Variants in FBN3 observed in about 807,000 individuals in gnomAD.
The protein encoded by FBN3 is fibrillin 3.
In FBN3, 234 loss-of-function variants were observed where a neutral mutation model predicts 330.1. That is an observed-to-expected ratio of 0.71 (90% CI 0.64 to 0.79). FBN3 has a LOEUF of 0.79. FBN3 is among the 30% of genes least tolerant of loss of function. The pLI, the probability that FBN3 is intolerant of heterozygous loss-of-function variation, is 0.00. For synonymous variants in FBN3, 1,458 were observed against 1,517.3 expected, an observed-to-expected ratio of 0.96 and a Z score of 0.91; for missense variants, 3,606 against 3,886.9, an observed-to-expected ratio of 0.93 and a Z score of 1.92.
At chr19:8,145,697 AAAAG>A (rs1450521966) in intron 5 of FBN3, 142 bp downstream of exon 5, 4 of 583,964 alleles carry the variant, frequency 6.8e-6, no homozygotes, top group East Asian at 3.0e-5. Flanking sequence ...AAAAAAAAAA[AAAAG>A]AGACTGTGGC....
chr19:8,126,939 AC>A, intron 18 of FBN3, 107 bp from the exon 19 acceptor site: 1 of 1,306,570 alleles, frequency 7.7e-7, no homozygotes, highest in South Asian at 1.6e-5. Flanking sequence ...CACGGGGTGC[AC>A]CCAGATGCAC....
intron 10 of FBN3, among the ~76,000 whole-genome samples, chr19:8,136,832 A>C (rs908884847): frequency 6.8e-5 from 10 of 147,936 alleles, no homozygotes; most frequent in Admixed American, 4.0e-4. Context: ...GATACCTCCA[A>C]CCTGGGGCCT....
chr19:8,072,020 C>A, intron 63 of FBN3, 28 bp downstream of exon 63: 1 of 1,600,554 alleles, frequency 6.2e-7, no homozygotes, highest in Non-Finnish European at 8.5e-7. Flanking sequence ...TCCCTGGCCA[C>A]CCCTGCCTAG....
chr19:8,071,119 T>C (rs1467343033), intron 63 of FBN3, among the ~76,000 whole-genome samples: 1 of 152,082 alleles, frequency 6.6e-6, no homozygotes, highest in Non-Finnish European at 1.5e-5. Flanking sequence ...GATACCTGCA[T>C]ACAGCAGGTG....
intron 56 of FBN3, among the ~76,000 whole-genome samples, chr19:8,084,117 C>T (rs73503752): frequency 0.23 from 34,345 of 151,782 alleles, 3,985 homozygotes; most frequent in African/African-American, 0.24. Flanking sequence ...CCTGTTGATG[C>T]CACTGCTGGT....
Position 8,126,467 on chromosome 19 carries a change from C to A in FBN3, c.2554+1G>T. ...CTGGGAGGCCTCAAGGAGGATACTACCGATCTCGCAGCGTTCGCAGGGGCT... is the reference window on the plus strand; with the variant it reads ...CTGGGAGGCCTCAAGGAGGATACTAACGATCTCGCAGCGTTCGCAGGGGCT... On this transcript the variant is annotated splice_donor_variant, in intron 20 of 63. Transcript: ENST00000600128. LOFTEE classifies it high-confidence loss of function. The A allele has an allele frequency of 6.2e-7, 1 of 1,611,040 alleles. No homozygotes were observed. Among genetic ancestry groups the A allele is most frequent in the South Asian group, 1.1e-5 (1 of 90,756 alleles).
intron 26 of FBN3, among the ~76,000 whole-genome samples, chr19:8,118,266 A>T (rs1343838661): frequency 6.7e-6 from 1 of 149,542 alleles, no homozygotes; most frequent in Non-Finnish European, 1.5e-5. Flanking sequence ...ACATTCTCTT[A>T]CACACACACA....
intron 13 of FBN3, 143 bp from the exon 14 acceptor site, chr19:8,133,249 T>A: frequency 9.2e-7 from 1 of 1,086,958 alleles, no homozygotes; most frequent in Non-Finnish European, 1.3e-6. Context: ...TGTGACTGTG[T>A]GAGCTTGTAT....
In FBN3 at chr19:8,138,523, G is replaced by A. The variant is rs200539678; in HGVS notation, c.907C>T (p.Arg303Cys). The change falls in exon 9 of 64, where the codon CGC becomes TGC. Residue 303 changes from arginine (R) to cysteine (C), a missense_variant. Arg to Cys is a radical substitution (Grantham distance 180). Coordinates refer to ENST00000600128, the MANE Select transcript of FBN3 (RefSeq NM_032447.5). ...TGGCCGGCGAGGTCTCCAGCACAGC[G>A]GCCCCCGAAAAGCACTGAGAAGCAG... ...GACFSVLFGG[R>C]CAGDLAGHYT... 2.3e-5 allele frequency: 37 copies of A among 1,612,388 alleles called. No homozygotes were observed. Among genetic ancestry groups the A allele is most frequent in the South Asian group, 3.3e-5 (3 of 91,004 alleles).
At chr19:8,124,179 T>G (rs1255182085) in intron 22 of FBN3, among the ~76,000 whole-genome samples, 171 bp from the exon 23 acceptor site, 2 of 152,162 alleles carry the variant, frequency 1.3e-5, no homozygotes, top group Admixed American at 6.6e-5. Flanking sequence ...GGGTACTATG[T>G]GTACTGTTCT....
intron 56 of FBN3, among the ~76,000 whole-genome samples, chr19:8,085,020 G>A (rs1281941506): frequency 1.3e-5 from 2 of 152,054 alleles, no homozygotes; most frequent in African/African-American, 4.8e-5. Context: ...CCAAAGTGCT[G>A]GGATGACAGG....
At chr19:8,080,918 G>A (rs989824964) in intron 59 of FBN3, 85 bp downstream of exon 59, 18 of 1,003,572 alleles carry the variant, frequency 1.8e-5, no homozygotes, top group Non-Finnish European at 2.6e-5. Context: ...CATTGCGCCT[G>A]GCCAACTTGA....
chr19:8,148,394 G>A (rs1367076394), intron 1 of FBN3, among the ~76,000 whole-genome samples: 3 of 152,246 alleles, frequency 2.0e-5, no homozygotes, highest in African/African-American at 7.2e-5. Context: ...GGAAGGGACC[G>A]CTTCTGTGCC....
chr19:8,140,870 T>C (rs2083393996), intron 8 of FBN3, among the ~76,000 whole-genome samples: 2 of 152,090 alleles, frequency 1.3e-5, no homozygotes, highest in African/African-American at 4.8e-5. Flanking sequence ...CCAGCTGTGA[T>C]GGCCCCCAGT....
In FBN3 at chr19:8,124,022, A is replaced by G; in HGVS notation, c.2732-14T>C. ...CCAATCTCACATCTGCACGGGGGAC[A>G]GTCACTGCGTCCCCACCCCTGCCAC... On this transcript the variant is annotated splice_polypyrimidine_tract_variant and intron_variant, in intron 22 of 63. Coordinates refer to ENST00000600128, the MANE Select transcript of FBN3 (RefSeq NM_032447.5). 1 of 1,596,416 alleles carries G rather than the reference A, an allele frequency of 6.3e-7. No individual in the cohort carries two copies. The highest frequency in any genetic ancestry group is 8.6e-7 in the Non-Finnish European group (1 of 1,166,890).
intron 37 of FBN3, among the ~76,000 whole-genome samples, chr19:8,107,268 T>A (rs1199230948): frequency 8.5e-6 from 1 of 117,830 alleles, no homozygotes; most frequent in Non-Finnish European, 1.7e-5. Flanking sequence ...GAAGGATAAA[T>A]GGACAGAAGG....
At chr19:8,102,939 A>G (rs1599346430) in intron 39 of FBN3, 66 bp from the exon 40 acceptor site, 1 of 1,503,636 alleles carries the variant, frequency 6.7e-7, no homozygotes, top group East Asian at 2.3e-5. Flanking sequence ...GAGGGAGCCA[A>G]AGAGATAGGA....
rs1294126203 is a variant in FBN3 at position 8,066,122 on chromosome 19, G to A, written c.8227C>T (p.Arg2743Cys). 7.4e-6 allele frequency: 12 copies of A among 1,613,548 alleles called. No individual in the cohort carries two copies. The highest frequency in any genetic ancestry group is 3.3e-5 in the Admixed American group (2 of 60,028). Residue 2743 changes from arginine (R) to cysteine (C), a missense_variant, in exon 64 of 64, where the codon CGC (arginine) becomes TGC (cysteine). By Grantham distance (180) the Arg-to-Cys change is radical. Transcript: ENST00000600128. The stretch of plus-strand genomic sequence containing the variant: ...CGAAAGAAACCTTGCTCGTTTCCGC[G>A]GACGATGACGTAGCGGATCCGGCCC... Reference protein sequence around the residue: ...LEGRIRYVIVRGNEQGFFRMH... With the variant: ...LEGRIRYVIVCGNEQGFFRMH...
At chr19:8,147,062 C>T (rs1426899617) in intron 3 of FBN3, 42 bp downstream of exon 3, 1 of 1,518,966 alleles carries the variant, frequency 6.6e-7, no homozygotes, top group Non-Finnish European at 8.9e-7. Flanking sequence ...AAGAGTGTCC[C>T]CGGCCTGTGC....
Sources: gnomAD v4.1 joint callset for allele counts (sites outside exome capture counted in the v4.1 genomes callset) on GRCh38, gnomAD v4.1.1 for gene constraint, MANE v1.5 for transcripts, NCBI Gene and HGNC (gene_info 2026-07-23, HGNC 2026-07-21) for gene names.